Variants in LRSAM1 observed in about 807,000 individuals in gnomAD.
LRSAM1 encodes leucine rich repeat and sterile alpha motif containing 1.
In LRSAM1, 96 loss-of-function variants were observed where a neutral mutation model predicts 118.1. The observed-to-expected ratio is 0.81, with a 90% CI of 0.69 to 0.96. The LOEUF (loss-of-function observed/expected upper bound fraction) is 0.96, where lower values mean the gene tolerates loss of function less well. Ranked by LOEUF, LRSAM1 falls within the 40% of genes least tolerant of loss-of-function variation. The pLI is 0.00. For missense variants in LRSAM1, 804 were observed against 915.5 expected, an observed-to-expected ratio of 0.88 and a Z score of 1.57; for synonymous variants, 322 against 364.2, an observed-to-expected ratio of 0.88 and a Z score of 1.32.
At chr9:127,469,729 C>T (rs1414219530) in intron 10 of LRSAM1, among the ~76,000 whole-genome samples, 5 of 151,958 alleles carry the variant, frequency 3.3e-5, no homozygotes, top group East Asian at 1.9e-4. Context: ...TTTGGGAGGC[C>T]GAGGTGGGCG....
At position 127,503,178 on chromosome 9, in the gene LRSAM1, A is replaced by G. The variant is rs1836463076; in HGVS notation, c.*279A>G. 2.1e-6 allele frequency: 1 copy of G among 487,546 alleles called. No individual in the cohort carries two copies. 30.2% of individuals were successfully genotyped at this position (487,546 alleles called of 1,614,324 possible). On this transcript the variant is annotated 3_prime_UTR_variant, in exon 26 of 26. Coordinates refer to ENST00000300417, the MANE Select transcript of LRSAM1 (RefSeq NM_001005373.4). Reference sequence around the variant, plus strand: ...AGCCTGGGAGCCAGCGTCCCAGCCTAATCACGGATCTGCTGCCTCCCAGCT... The same window carrying G: ...AGCCTGGGAGCCAGCGTCCCAGCCTGATCACGGATCTGCTGCCTCCCAGCT...
chr9:127,466,475 CATATATATATATATAT>C (rs1167529804), intron 9 of LRSAM1, among the ~76,000 whole-genome samples: 2 of 35,000 alleles, frequency 5.7e-5, no homozygotes, highest in African/African-American at 2.7e-4. Flanking sequence ...AAGGAAGAAT[CATATATATATATATAT>C]ATATATATAT....
chr9:127,477,618 T>C (rs1175317763), intron 11 of LRSAM1, among the ~76,000 whole-genome samples: 1 of 151,982 alleles, frequency 6.6e-6, no homozygotes. Context: ...GGCATGGTGG[T>C]GCGTGCCTGC....
chr9:127,497,115 C>T (rs973453733), intron 23 of LRSAM1, 138 bp from the exon 24 acceptor site: 16 of 842,528 alleles, frequency 1.9e-5, no homozygotes, highest in African/African-American at 1.3e-4. Context: ...CCGTGGGCCC[C>T]GCCAGGCCCC....
In LRSAM1 at chr9:127,455,007, G is replaced by T. The variant is rs1564248714; in HGVS notation, c.82G>T (p.Ala28Ser). The T allele has an allele frequency of 3.1e-6, 5 of 1,614,030 alleles. No individual in the cohort carries two copies. The Middle Eastern group carries it at 4.9e-4, about 159-fold the overall frequency. Residue 28 changes from alanine to serine, a missense_variant, in exon 4 of 26, where the codon GCT (alanine) becomes TCT (serine). Ala to Ser is a moderately conservative substitution (Grantham distance 99, BLOSUM62 1). Coordinates refer to ENST00000300417, the MANE Select transcript of LRSAM1 (RefSeq NM_001005373.4). ...TTCTTTTTATCCTTAGGCAAAAGAA[G>T]CTGGGGCAGATGACATTCTCGACAT... ...LEYQMCLAKEAGADDILDISK... is the reference protein window; with the variant it reads ...LEYQMCLAKESGADDILDISK...
intron 9 of LRSAM1, among the ~76,000 whole-genome samples, chr9:127,462,657 A>T (rs1834792556): frequency 6.6e-6 from 1 of 152,136 alleles, no homozygotes; most frequent in South Asian, 2.1e-4. Context: ...TAGGGGAACA[A>T]CACAGTGAGG....
At position 127,462,388 on chromosome 9, in the gene LRSAM1, G is replaced by C. The variant is rs758039190; in HGVS notation, c.528+15G>C. 5.7e-5 allele frequency: 92 copies of C among 1,613,738 alleles called. No homozygotes were observed. The East Asian group carries it at 1.2e-3, about 20-fold the overall frequency. On this transcript the variant is annotated intron_variant, in intron 9 of 25. Transcript: ENST00000300417. ...GAACCCTGGAGGTAAATGGGAAGCT[G>C]TTCTTGCCTGGGGTGCTCTCTGGCC...
At chr9:127,455,144 C>A in intron 4 of LRSAM1, 90 bp downstream of exon 4, 1 of 1,304,234 alleles carries the variant, frequency 7.7e-7, no homozygotes, top group Non-Finnish European at 1.1e-6. Context: ...TGGACTGGGG[C>A]TTTAGAAAGG....
chr9:127,472,240 G>A (rs1394587171), intron 10 of LRSAM1, among the ~76,000 whole-genome samples: 2 of 151,378 alleles, frequency 1.3e-5, no homozygotes, highest in African/African-American at 2.4e-5. Flanking sequence ...GATTACAGGC[G>A]TGAGACACCA....
At position 127,493,021 on chromosome 9, in the gene LRSAM1, C is replaced by A. The variant is rs1026743676; in HGVS notation, c.1599+124C>A. On this transcript the variant is annotated intron_variant, in intron 21 of 25. Coordinates refer to ENST00000300417, the MANE Select transcript of LRSAM1 (RefSeq NM_001005373.4). ...TTCATCAAAGAAAAACTGGAAAGTA[C>A]AAAGGAAAATAATTGCATTTCCAAG... 6 of 822,518 alleles carry A rather than the reference C, an allele frequency of 7.3e-6. No individual in the cohort carries two copies. The African/African-American group carries it at 1.0e-4, about 14-fold the overall frequency. 51.0% of individuals were successfully genotyped at this position (822,518 alleles called of 1,614,324 possible).
At chr9:127,479,542 A>G in intron 13 of LRSAM1, 37 bp downstream of exon 13, 1 of 1,609,216 alleles carries the variant, frequency 6.2e-7, no homozygotes, top group Admixed American at 1.7e-5. Flanking sequence ...GCCTGGCTGC[A>G]TCCCCCAGCC....
chr9:127,479,825 A>T lies in LRSAM1; in HGVS notation c.904-14A>T. On this transcript the variant is annotated splice_polypyrimidine_tract_variant and intron_variant, in intron 13 of 25. Coordinates refer to ENST00000300417, the MANE Select transcript of LRSAM1 (RefSeq NM_001005373.4). ...GGGGTCCCAGGGGCTCAGGACCCCT[A>T]CCTCCGGCTGCAGGAGCAGTCCCGG... 1 of 1,611,526 alleles carries T rather than the reference A, an allele frequency of 6.2e-7. No homozygotes were observed. The highest frequency in any genetic ancestry group is 1.1e-5 in the South Asian group (1 of 91,010).
At chr9:127,469,147 A>T (rs1835070786) in intron 10 of LRSAM1, among the ~76,000 whole-genome samples, 1 of 152,190 alleles carries the variant, frequency 6.6e-6, no homozygotes, top group Admixed American at 6.5e-5. Context: ...CAAGGAAAAG[A>T]CATTAGCAAA....
At chr9:127,474,017 G>GGC (rs927832537) in intron 11 of LRSAM1, 86 bp downstream of exon 11, 55 of 1,591,080 alleles carry the variant, frequency 3.5e-5, no homozygotes, top group Non-Finnish European at 4.6e-5. Flanking sequence ...AATGGAAGGG[G>GGC]GCGGTGGTTC....
Position 127,461,233 on chromosome 9 carries a change from C to T in LRSAM1, c.382C>T (p.Gln128Ter), listed in dbSNP as rs1168470052. 6.2e-7 allele frequency: 1 copy of T among 1,612,212 alleles called. No individual in the cohort carries two copies. Among genetic ancestry groups the T allele is most frequent in the Non-Finnish European group, 8.5e-7 (1 of 1,178,656 alleles). The stretch of plus-strand genomic sequence containing the variant: ...CCCACGTTCCATTGGGAACCTGACC[C>T]AGCTCCAGACTCTCAATGTTAAAGG... Reference protein sequence around the residue: ...QLPRSIGNLTQLQTLNVKDNK... With the variant: ...QLPRSIGNLT Residue 128 changes from glutamine (Q) to a stop codon, truncating the protein, a stop_gained, in exon 8 of 26, where the codon CAG becomes TAG. Coordinates refer to ENST00000300417, the MANE Select transcript of LRSAM1 (RefSeq NM_001005373.4). LOFTEE classifies it high-confidence loss of function.
At chr9:127,453,168 G>A (rs1407870740) in intron 2 of LRSAM1, among the ~76,000 whole-genome samples, 2 of 152,150 alleles carry the variant, frequency 1.3e-5, no homozygotes, top group East Asian at 3.9e-4. Flanking sequence ...TGCAACCTCT[G>A]CCTCCTGGGT....
At chr9:127,454,710 C>A (rs75663017) in intron 3 of LRSAM1, 111 bp downstream of exon 3, 5 of 1,154,972 alleles carry the variant, frequency 4.3e-6, no homozygotes, top group East Asian at 2.5e-5. Context: ...CTGCCTCCCC[C>A]ACCCACAGAA....
At chr9:127,471,744 G>A (rs549109596) in intron 10 of LRSAM1, among the ~76,000 whole-genome samples, 9 of 151,256 alleles carry the variant, frequency 6.0e-5, no homozygotes, top group Admixed American at 4.6e-4. Context: ...CTGAGATCTC[G>A]CCACTGCACT....
At chr9:127,469,943 A>T (rs546021734) in intron 10 of LRSAM1, among the ~76,000 whole-genome samples, 75 of 152,068 alleles carry the variant, frequency 4.9e-4, no homozygotes, top group Middle Eastern at 3.4e-3. Context: ...CCAGCCTGGG[A>T]TACAGAGCAA....
Sources: gnomAD v4.1 joint callset for allele counts (sites outside exome capture counted in the v4.1 genomes callset) on GRCh38, gnomAD v4.1.1 for gene constraint, MANE v1.5 for transcripts, NCBI Gene and HGNC (gene_info 2026-07-23, HGNC 2026-07-21) for gene names.